The following RFPL1 variants were observed in gnomAD, a reference collection of about 807,000 sequenced individuals.
RFPL1 encodes ret finger protein-like 1.
A neutral mutation model predicts 9.6 loss-of-function variants in RFPL1; 6 were observed. The ratio of observed to expected loss-of-function variants is 0.62; its 90% CI spans 0.34 to 1.23. The LOEUF (loss-of-function observed/expected upper bound fraction) is 1.23, where lower values mean the gene tolerates loss of function less well. Ranked by LOEUF, RFPL1 falls within the 50% of genes most tolerant of loss-of-function variation. RFPL1 has a pLI of 0.03. For synonymous variants in RFPL1, 145 were observed against 149.4 expected (o/e 0.97, Z 0.22); for missense variants, 352 against 398.4 (o/e 0.88, Z 0.99).
chr22:29,403,095 C>G, the RFPL1 span, among the ~76,000 whole-genome samples: 28 of 151,942 alleles, frequency 1.8e-4, no homozygotes, highest in African/African-American at 6.0e-4. Context: ...TTTTTTGCCT[C>G]TTGGTTCTTG....
chr22:29,413,592 T>A, the RFPL1 span, among the ~76,000 whole-genome samples: 1 of 152,238 alleles, frequency 6.6e-6, no homozygotes, highest in Non-Finnish European at 1.5e-5. Flanking sequence ...CCTGTATGTT[T>A]ATACCAGATA....
intron 1 of RFPL1, chr22:29,440,594 T>A (rs2062833527): frequency 1.3e-5 from 2 of 152,060 alleles, no homozygotes; most frequent in Admixed American, 1.3e-4. Flanking sequence ...TTTTTTGAGA[T>A]GGAGTCTCGC....
chr22:29,439,235 T>A, intron 1 of RFPL1, 71 bp downstream of exon 1: 1 of 1,538,950 alleles, frequency 6.5e-7, no homozygotes, highest in Non-Finnish European at 8.8e-7. Flanking sequence ...AACTGGCCCC[T>A]CATTCCATAT....
At chr22:29,410,703 G>T in the RFPL1 span, among the ~76,000 whole-genome samples, 2 of 146,684 alleles carry the variant, frequency 1.4e-5, no homozygotes, top group Non-Finnish European at 3.0e-5. Flanking sequence ...CCTAGGCTGG[G>T]TTAACATGGC....
chr22:29,428,424 C>A, the RFPL1 span, among the ~76,000 whole-genome samples: 1 of 152,012 alleles, frequency 6.6e-6, no homozygotes, highest in Non-Finnish European at 1.5e-5. Flanking sequence ...GTTCAACACC[C>A]CAGTTTTAGA....
chr22:29,421,700 C>T, the RFPL1 span, among the ~76,000 whole-genome samples: 14,380 of 151,204 alleles, frequency 0.095, 767 homozygotes, highest in African/African-American at 0.15. Flanking sequence ...CACTACCTTC[C>T]TTTCCCCAAA....
the RFPL1 span, among the ~76,000 whole-genome samples, chr22:29,390,251 A>G: frequency 3.3e-5 from 5 of 152,194 alleles, no homozygotes. Context: ...CTTTTTTAAT[A>G]TTATCAAAAA....
chr22:29,435,453 T>C (rs2062804098), upstream of RFPL1, among the ~76,000 whole-genome samples: 1 of 152,226 alleles, frequency 6.6e-6, no homozygotes. Context: ...AGAAAGTTTT[T>C]CTCACATACA....
At chr22:29,420,869 G>A in the RFPL1 span, among the ~76,000 whole-genome samples, 1 of 151,704 alleles carries the variant, frequency 6.6e-6, no homozygotes, top group Non-Finnish European at 1.5e-5. Flanking sequence ...TTAAACTCCT[G>A]ACCTCAGGTG....
chr22:29,399,899 A>AG, the RFPL1 span, among the ~76,000 whole-genome samples: 1 of 151,450 alleles, frequency 6.6e-6, no homozygotes, highest in African/African-American at 2.4e-5. Context: ...TTCATATTTG[A>AG]GCCTCTGGGT....
chr22:29,434,665 C>T (rs185369907), upstream of RFPL1: 2 of 153,086 alleles, frequency 1.3e-5, no homozygotes, highest in East Asian at 1.9e-4. Flanking sequence ...ATCTGTTAAT[C>T]GACAAGAGAA....
chr22:29,424,181 GA>G, the RFPL1 span, among the ~76,000 whole-genome samples: 14 of 146,630 alleles, frequency 9.5e-5, no homozygotes, highest in East Asian at 6.0e-4. Flanking sequence ...CTTTGTCTCA[GA>G]AAAAAAAAAG....
the RFPL1 span, among the ~76,000 whole-genome samples, chr22:29,427,186 G>A: frequency 6.6e-6 from 1 of 152,254 alleles, no homozygotes; most frequent in South Asian, 2.1e-4. Context: ...AACACTGAGG[G>A]GGGGCCTGAC....
At chr22:29,425,347 G>A in the RFPL1 span, among the ~76,000 whole-genome samples, 3 of 152,114 alleles carry the variant, frequency 2.0e-5, no homozygotes, top group Admixed American at 6.5e-5. Flanking sequence ...TTTAAGAAAC[G>A]CCTTTGCAGG....
exon 2 of RFPL1, chr22:29,441,877 T>C: frequency 6.2e-7 from 1 of 1,613,614 alleles, no homozygotes; most frequent in Non-Finnish European, 8.5e-7. Context: ...GACTTTCCTC[T>C]TCGTAGACCG....
the RFPL1 span, among the ~76,000 whole-genome samples, chr22:29,401,568 C>T: frequency 3.3e-3 from 509 of 152,334 alleles, 2 homozygotes; most frequent in African/African-American, 0.012. Context: ...TCTTCTTCCA[C>T]GTCTAATCAC....
the RFPL1 span, among the ~76,000 whole-genome samples, chr22:29,395,018 C>T: frequency 6.6e-6 from 1 of 152,180 alleles, no homozygotes; most frequent in African/African-American, 2.4e-5. Flanking sequence ...TTCTGTGACC[C>T]TCAGCAAGTC....
chr22:29,420,632 TG>T, the RFPL1 span, among the ~76,000 whole-genome samples: 24,565 of 57,636 alleles, frequency 0.43, 9,649 homozygotes, highest in Middle Eastern at 0.5. Context: ...GATGGTTTTT[TG>T]CTTTTTTTTT....
chr22:29,401,206 A>G, the RFPL1 span, among the ~76,000 whole-genome samples: 1 of 152,230 alleles, frequency 6.6e-6, no homozygotes, highest in Admixed American at 6.5e-5. Context: ...ATTTTACGTG[A>G]CACCTCATTC....
Sources: gnomAD v4.1 joint callset for allele counts (sites outside exome capture counted in the v4.1 genomes callset) on GRCh38, gnomAD v4.1.1 for gene constraint, MANE v1.5 for transcripts, NCBI Gene and HGNC (gene_info 2026-07-23, HGNC 2026-07-21) for gene names.